The following FSHR variants were observed in gnomAD, a reference collection of about 807,000 sequenced individuals.
FSHR encodes follicle-stimulating hormone receptor.
A neutral mutation model predicts 52.1 loss-of-function variants in FSHR; 46 were observed. The ratio of observed to expected loss-of-function variants is 0.88; its 90% CI spans 0.70 to 1.13. The LOEUF (loss-of-function observed/expected upper bound fraction) is 1.13. FSHR is among the 50% of genes most tolerant of loss of function. The probability of loss-of-function intolerance (pLI) is 0.00; values close to 1 mark genes in which losing one functional copy is unlikely to be tolerated. For missense variants in FSHR, 964 were observed against 834.6 expected (o/e 1.16, Z -1.91); for synonymous variants, 399 against 309.6 (o/e 1.29, Z -3.03).
At chr2:49,034,966 C>G (rs1668227717) in intron 2 of FSHR, among the ~76,000 whole-genome samples, 1 of 152,184 alleles carries the variant, frequency 6.6e-6, no homozygotes, top group Non-Finnish European at 1.5e-5. Context: ...TTTATTTTAA[C>G]ATTCTCTTTT....
chr2:49,052,955 G>A (rs749716415), intron 2 of FSHR, among the ~76,000 whole-genome samples: 1 of 152,144 alleles, frequency 6.6e-6, no homozygotes, highest in Non-Finnish European at 1.5e-5. Context: ...GAATTGGGAG[G>A]ATCCTCAACT....
intron 2 of FSHR, among the ~76,000 whole-genome samples, chr2:49,038,671 T>G (rs1455174810): frequency 6.9e-6 from 1 of 145,908 alleles, no homozygotes; most frequent in Non-Finnish European, 1.5e-5. Context: ...ATAATAATAA[T>G]ACTGGTTTAG....
intron 2 of FSHR, among the ~76,000 whole-genome samples, chr2:49,063,684 G>C (rs1041811949): frequency 2.0e-5 from 3 of 152,064 alleles, no homozygotes; most frequent in African/African-American, 7.2e-5. Flanking sequence ...ATGTGGGAGA[G>C]AGGATACCAA....
intron 5 of FSHR, among the ~76,000 whole-genome samples, chr2:48,989,374 C>A (rs769177579): frequency 6.6e-6 from 1 of 151,488 alleles, no homozygotes; most frequent in Non-Finnish European, 1.5e-5. Flanking sequence ...CCTCAACCTC[C>A]CAGGCTCCAG....
Position 48,963,050 on chromosome 2 carries a change from A to G in FSHR, c.1771T>C (p.Phe591Leu), listed in dbSNP as rs775289393. Reference sequence around the variant, plus strand: ...ACCTTGAGGGAGGCAGAAATGGCAAAGAAAGAAATGGGTGCCATGCAGAGG... The same window carrying G: ...ACCTTGAGGGAGGCAGAAATGGCAAGGAAAGAAATGGGTGCCATGCAGAGG... ...DFLCMAPISFFAISASLKVPL... is the reference protein window; with the variant it reads ...DFLCMAPISFLAISASLKVPL... Residue 591 changes from phenylalanine (F) to leucine (L), a missense_variant, in exon 10 of 10, where the codon TTT (phenylalanine) becomes CTT (leucine). Physicochemically the swap from Phe to Leu is conservative, Grantham distance 22. Coordinates refer to ENST00000406846, the MANE Select transcript of FSHR (RefSeq NM_000145.4). The G allele has an allele frequency of 1.2e-6, 2 of 1,614,082 alleles. No individual in the cohort carries two copies. The highest frequency in any genetic ancestry group is 1.7e-6 in the Non-Finnish European group (2 of 1,179,990).
chr2:49,036,835 C>T (rs1449713896), intron 2 of FSHR, among the ~76,000 whole-genome samples: 2 of 152,146 alleles, frequency 1.3e-5, no homozygotes, highest in African/African-American at 4.8e-5. Flanking sequence ...GAGACAAAAG[C>T]CTCTCCAGAT....
intron 4 of FSHR, among the ~76,000 whole-genome samples, chr2:49,012,680 T>A (rs193212652): frequency 5.2e-4 from 79 of 152,246 alleles, no homozygotes; most frequent in Admixed American, 2.6e-3. Flanking sequence ...AAAAACAAAA[T>A]GAAACAAAAC....
chr2:49,000,055 A>G (rs1676187743), intron 4 of FSHR, among the ~76,000 whole-genome samples: 1 of 152,146 alleles, frequency 6.6e-6, no homozygotes, highest in African/African-American at 2.4e-5. Flanking sequence ...CGTGATGTAC[A>G]TCAGAAAGTT....
chr2:48,996,303 A>G (rs1559115390), intron 4 of FSHR, among the ~76,000 whole-genome samples: 1 of 152,090 alleles, frequency 6.6e-6, no homozygotes, highest in Non-Finnish European at 1.5e-5. Context: ...GAGCTTAACT[A>G]TATACAGTTG....
intron 2 of FSHR, among the ~76,000 whole-genome samples, chr2:49,062,046 A>C (rs1175743786): frequency 6.6e-6 from 1 of 151,756 alleles, no homozygotes; most frequent in African/African-American, 2.4e-5. Flanking sequence ...TTAAATTGCA[A>C]TTCAGACCAA....
chr2:49,141,725 C>A (rs1206076845), intron 1 of FSHR, among the ~76,000 whole-genome samples: 1 of 152,058 alleles, frequency 6.6e-6, no homozygotes. Context: ...TACATAAGTT[C>A]TGTATTAAAG....
intron 1 of FSHR, among the ~76,000 whole-genome samples, chr2:49,088,019 A>C: frequency 6.6e-6 from 1 of 152,194 alleles, no homozygotes; most frequent in Non-Finnish European, 1.5e-5. Context: ...TAATCTTCAA[A>C]ATCATCTTGT....
intron 1 of FSHR, among the ~76,000 whole-genome samples, chr2:49,141,390 A>G (rs1672682398): frequency 6.6e-6 from 1 of 152,072 alleles, no homozygotes; most frequent in Non-Finnish European, 1.5e-5. Context: ...GGCCTCAGGG[A>G]GCTTTTACTC....
At chr2:49,031,923 G>C (rs187862130) in intron 2 of FSHR, among the ~76,000 whole-genome samples, 71 of 152,288 alleles carry the variant, frequency 4.7e-4, no homozygotes, top group African/African-American at 1.6e-3. Context: ...TTTTCTACTA[G>C]AGTCTAGTCT....
intron 1 of FSHR, among the ~76,000 whole-genome samples, chr2:49,132,443 T>C (rs985789147): frequency 1.3e-5 from 2 of 152,180 alleles, no homozygotes; most frequent in African/African-American, 4.8e-5. Flanking sequence ...TTTATTTCGA[T>C]GTTTTGCTCA....
chr2:49,115,325 C>G (rs757435580), intron 1 of FSHR, among the ~76,000 whole-genome samples: 3 of 152,018 alleles, frequency 2.0e-5, no homozygotes, highest in Admixed American at 6.6e-5. Flanking sequence ...TTACTATTAT[C>G]TCACACCAAG....
At chr2:48,966,476 C>T (rs750257946) in intron 9 of FSHR, among the ~76,000 whole-genome samples, 15 of 152,092 alleles carry the variant, frequency 9.9e-5, no homozygotes, top group East Asian at 1.9e-4. Flanking sequence ...GTAGTTGATA[C>T]GAACTTTTGG....
At chr2:49,054,103 G>T (rs1668967178) in intron 2 of FSHR, among the ~76,000 whole-genome samples, 1 of 152,164 alleles carries the variant, frequency 6.6e-6, no homozygotes. Flanking sequence ...CTTACCCATT[G>T]TGTTACCTTG....
chr2:49,015,112 C>T (rs1451455198), intron 4 of FSHR, among the ~76,000 whole-genome samples: 2 of 152,104 alleles, frequency 1.3e-5, no homozygotes, highest in East Asian at 3.8e-4. Context: ...TTGGTTTTTA[C>T]AGCCGCTCTA....
Sources: allele counts gnomAD v4.1 joint callset (sites outside exome capture counted in the v4.1 genomes callset), GRCh38; gene constraint gnomAD v4.1.1; transcripts MANE v1.5; gene names NCBI Gene and HGNC (gene_info 2026-07-23, HGNC 2026-07-21).